AUTS2: variants seen among roughly 807,000 people sequenced by gnomAD.
AUTS2 encodes the protein autism susceptibility gene 2 protein.
AUTS2 carries 17 observed loss-of-function variants against 112.4 expected under a neutral mutation model. The ratio of observed to expected loss-of-function variants is 0.15; its 90% CI spans 0.10 to 0.23. The LOEUF is 0.23. AUTS2 is among the 10% of genes least tolerant of loss of function. The probability of loss-of-function intolerance (pLI) is 1.00; values close to 1 mark genes in which losing one functional copy is unlikely to be tolerated. For synonymous variants in AUTS2, 751 were observed against 702.7 expected (o/e 1.07, Z -1.09); for missense variants, 1,510 against 1,701.6 (o/e 0.89, Z 1.98).
chr7:70,266,233 G>A (rs576814320), intron 4 of AUTS2, among the ~76,000 whole-genome samples: 3 of 152,168 alleles, frequency 2.0e-5, no homozygotes, highest in Non-Finnish European at 4.4e-5. Flanking sequence ...AGTACCACAC[G>A]TGCTACAGCA....
chr7:70,771,694 C>T, intron 11 of AUTS2, 50 bp downstream of exon 11: 1 of 1,541,864 alleles, frequency 6.5e-7, no homozygotes, highest in Non-Finnish European at 9.0e-7. Context: ...AAGTGGCGTC[C>T]CGGGCCAGGC....
chr7:69,771,430 G>GA (rs1206473672), intron 1 of AUTS2, among the ~76,000 whole-genome samples: 1 of 152,158 alleles, frequency 6.6e-6, no homozygotes, highest in African/African-American at 2.4e-5. Flanking sequence ...GTACAGAAGT[G>GA]AATAAACATT....
chr7:70,572,383 G>A lies in AUTS2; in HGVS notation c.691-126186G>A, dbSNP rs569132299. ...GAATTCCTTACATGCTGTTGAAATGGCAGGAATCATAATAGCTTATTTCAT... is the reference window on the plus strand; with the variant it reads ...GAATTCCTTACATGCTGTTGAAATGACAGGAATCATAATAGCTTATTTCAT... On this transcript the variant is annotated intron_variant, in intron 5 of 18. Transcript: ENST00000342771. Among the ~76,000 whole-genome samples, 6 of 140,732 alleles carry A rather than the reference G, an allele frequency of 4.3e-5. No homozygotes were observed. The East Asian group carries it at 1.4e-3, about 32-fold the overall frequency. The allele number at this position is 140,732 out of a possible 152,430, so 92.3% of individuals were successfully genotyped here.
At chr7:70,276,175 A>G (rs895787602) in intron 4 of AUTS2, among the ~76,000 whole-genome samples, 2 of 152,206 alleles carry the variant, frequency 1.3e-5, no homozygotes, top group African/African-American at 4.8e-5. Context: ...CACTAGAGAT[A>G]CAAATAGCTC....
At chr7:70,216,406 G>C (rs870199) in intron 4 of AUTS2, among the ~76,000 whole-genome samples, 1 of 152,048 alleles carries the variant, frequency 6.6e-6, no homozygotes, top group Non-Finnish European at 1.5e-5. Context: ...TTTTAATTTA[G>C]CATTCATTTT....
At chr7:70,402,401 G>T (rs1485412888) in intron 4 of AUTS2, among the ~76,000 whole-genome samples, 1 of 152,240 alleles carries the variant, frequency 6.6e-6, no homozygotes, top group Non-Finnish European at 1.5e-5. Context: ...GCTCTGTGAA[G>T]CTGACGCAGA....
At chr7:69,923,198 T>C (rs1795880675) in intron 2 of AUTS2, among the ~76,000 whole-genome samples, 1 of 152,202 alleles carries the variant, frequency 6.6e-6, no homozygotes, top group African/African-American at 2.4e-5. Context: ...CTTTTGCATA[T>C]GGATATTCAA....
chr7:70,115,819 A>T (rs1645364685), intron 2 of AUTS2, among the ~76,000 whole-genome samples: 1 of 152,218 alleles, frequency 6.6e-6, no homozygotes, highest in African/African-American at 2.4e-5. Flanking sequence ...GTCATAATTT[A>T]AAAAATAAAT....
In AUTS2 at chr7:70,714,947, C is replaced by T. The variant is rs570027823; in HGVS notation, c.742+16327C>T. ...CTGATACTTGCATTGGCATGTTCCC[C>T]GTCAAGCTTTTATCTCATGGTCTCA... is the stretch of plus-strand genomic sequence containing the variant. On this transcript the variant is annotated intron_variant, in intron 6 of 18. Coordinates refer to ENST00000342771, the MANE Select transcript of AUTS2 (RefSeq NM_015570.4). Among the ~76,000 whole-genome samples the T allele has an allele frequency of 1.1e-4, 17 of 152,242 alleles. No individual in the cohort carries two copies. The South Asian group carries it at 1.2e-3, about 11-fold the overall frequency.
intron 5 of AUTS2, among the ~76,000 whole-genome samples, chr7:70,556,922 C>T (rs1472194026): frequency 6.6e-6 from 1 of 152,200 alleles, no homozygotes; most frequent in African/African-American, 2.4e-5. Flanking sequence ...TAAACTCCTG[C>T]TCATCCTTCA....
At chr7:69,989,060 T>C (rs1182194215) in intron 2 of AUTS2, among the ~76,000 whole-genome samples, 1 of 152,186 alleles carries the variant, frequency 6.6e-6, no homozygotes, top group Non-Finnish European at 1.5e-5. Context: ...GGTTAAGAAA[T>C]ACTTTGGAAT....
At chr7:69,662,388 A>G (rs1306003011) in intron 1 of AUTS2, among the ~76,000 whole-genome samples, 3 of 152,022 alleles carry the variant, frequency 2.0e-5, no homozygotes, top group African/African-American at 7.3e-5. Context: ...TTGGGGCTGG[A>G]TTACTGCATG....
intron 4 of AUTS2, among the ~76,000 whole-genome samples, chr7:70,411,130 G>T (rs1167139735): frequency 6.6e-6 from 1 of 152,144 alleles, no homozygotes; most frequent in Non-Finnish European, 1.5e-5. Context: ...CTCCCAGAGT[G>T]CTGGGATTAC....
chr7:70,773,185 T>C (rs561951174), intron 11 of AUTS2, among the ~76,000 whole-genome samples: 28 of 152,276 alleles, frequency 1.8e-4, no homozygotes, highest in African/African-American at 6.5e-4. Flanking sequence ...CCCCTTCTCC[T>C]TGTAGGCAAG....
At chr7:70,060,695 G>A (rs1227808696) in intron 2 of AUTS2, among the ~76,000 whole-genome samples, 1 of 152,196 alleles carries the variant, frequency 6.6e-6, no homozygotes, top group Non-Finnish European at 1.5e-5. Context: ...TTAAGAAGTA[G>A]CATTGCAAAA....
At chr7:70,491,911 G>A (rs559111326) in intron 5 of AUTS2, among the ~76,000 whole-genome samples, 9 of 152,132 alleles carry the variant, frequency 5.9e-5, no homozygotes, top group East Asian at 1.9e-4. Context: ...CACCGCACCC[G>A]GCCAAATGAG....
intron 4 of AUTS2, among the ~76,000 whole-genome samples, chr7:70,149,958 A>G (rs1807339362): frequency 1.3e-5 from 2 of 152,074 alleles, no homozygotes; most frequent in African/African-American, 4.8e-5. Flanking sequence ...GGAAACCAGT[A>G]TATTTTTAGG....
chr7:70,387,813 C>T (rs1301925612), intron 4 of AUTS2, among the ~76,000 whole-genome samples: 1 of 152,206 alleles, frequency 6.6e-6, no homozygotes, highest in Non-Finnish European at 1.5e-5. Context: ...TTCATTGGCT[C>T]TCATTTGGAC....
chr7:70,629,573 A>T (rs980631693), intron 5 of AUTS2, among the ~76,000 whole-genome samples: 1 of 151,710 alleles, frequency 6.6e-6, no homozygotes, highest in Non-Finnish European at 1.5e-5. Flanking sequence ...TCCCCTTGCC[A>T]CCTCCCTTAG....
Sources: gnomAD v4.1 joint callset for allele counts (sites outside exome capture counted in the v4.1 genomes callset) on GRCh38, gnomAD v4.1.1 for gene constraint, MANE v1.5 for transcripts, NCBI Gene and HGNC (gene_info 2026-07-23, HGNC 2026-07-21) for gene names.